Variants in SDK2 observed in about 807,000 individuals in gnomAD.
The protein encoded by SDK2 is protein sidekick-2.
SDK2 carries 105 observed loss-of-function variants against 253.9 expected under a neutral mutation model. That is an observed-to-expected ratio of 0.41 (90% CI 0.35 to 0.49). SDK2 has a LOEUF of 0.49. Among genes scored for constraint, SDK2 ranks in the 20% least tolerant of loss-of-function variants. The pLI is 0.06. For missense variants in SDK2, 2,608 were observed against 3,003.0 expected (o/e 0.87, Z 3.07); for synonymous variants, 1,249 against 1,234.9 (o/e 1.01, Z -0.24).
At chr17:73,617,326 C>T (rs28582199) in intron 1 of SDK2, among the ~76,000 whole-genome samples, 14 of 143,138 alleles carry the variant, frequency 9.8e-5, no homozygotes, top group South Asian at 4.6e-4. Flanking sequence ...AGGCCTCCTG[C>T]GGAGGGGAGG....
chr17:73,534,419 C>T lies in SDK2; in HGVS notation c.65-26822G>A, dbSNP rs952704676. Among the ~76,000 whole-genome samples the T allele has an allele frequency of 2.4e-4, 36 of 151,722 alleles. 1 individual carries two copies. Among genetic ancestry groups the T allele is most frequent in the Non-Finnish European group, 4.4e-5 (3 of 68,002 alleles). On this transcript the variant is annotated intron_variant, in intron 1 of 44. Coordinates refer to ENST00000392650, the MANE Select transcript of SDK2 (RefSeq NM_001144952.2). This position sits in a 1 kb window ranked among gnomAD's most constrained non-coding sequence, Gnocchi z 4.9. ...TGGGACAGAGGCAGTGCTAAAGAGA[C>T]GATTGCCGACAGATGCCTGACCTCT... is the stretch of plus-strand genomic sequence containing the variant.
At chr17:73,464,636 C>A (rs569654806) in intron 3 of SDK2, among the ~76,000 whole-genome samples, 25 of 152,330 alleles carry the variant, frequency 1.6e-4, no homozygotes, top group Non-Finnish European at 2.8e-4. Context: ...GCCTCAGACA[C>A]CCACATCTGC....
intron 1 of SDK2, among the ~76,000 whole-genome samples, chr17:73,588,494 A>C (rs1462204432): frequency 6.6e-6 from 1 of 151,636 alleles, no homozygotes; most frequent in African/African-American, 2.4e-5. Context: ...TTTGTGACTG[A>C]GCAAGTATCC....
At chr17:73,348,791 G>A in intron 43 of SDK2, 66 bp from the exon 44 acceptor site, 2 of 1,413,420 alleles carry the variant, frequency 1.4e-6, no homozygotes, top group Non-Finnish European at 2.0e-6. Context: ...CTGGCCTAGG[G>A]AGACCACAGT....
Position 73,398,142 on chromosome 17 carries a change from TG to T in SDK2, c.3246del (p.Ser1083ValfsTer66). On this transcript the variant is annotated frameshift_variant, in exon 24 of 45. Coordinates refer to ENST00000392650, the MANE Select transcript of SDK2 (RefSeq NM_001144952.2). LOFTEE classifies it high-confidence loss of function. ...GTCTGGATCTTTCTAGAAGGCTGAC[TG>T]GGGGGGCTGGTGCCCACGATGTTCA... ...RQVNIVGTSP[P>X]SQPSRKIQTL... 2 of 1,613,518 alleles carry T rather than the reference TG, an allele frequency of 1.2e-6. No homozygotes were observed. The highest frequency in any genetic ancestry group is 1.7e-6 in the Non-Finnish European group (2 of 1,179,754).
intron 1 of SDK2, among the ~76,000 whole-genome samples, chr17:73,580,168 A>G (rs546419811): frequency 6.6e-6 from 1 of 152,244 alleles, no homozygotes; most frequent in East Asian, 1.9e-4. Context: ...CCATCCTAGC[A>G]AATGAAAACA....
chr17:73,506,512 G>A (rs1166424102), intron 2 of SDK2, among the ~76,000 whole-genome samples: 1 of 152,202 alleles, frequency 6.6e-6, no homozygotes, highest in African/African-American at 2.4e-5. Flanking sequence ...AGGAAAGGCT[G>A]GTTCTCCAGA....
intron 44 of SDK2, 79 bp downstream of exon 44, chr17:73,348,520 G>C: frequency 6.0e-6 from 9 of 1,508,856 alleles, no homozygotes; most frequent in Non-Finnish European, 8.0e-6. Flanking sequence ...AAGGAAGAAA[G>C]CCCATCTACG....
chr17:73,585,201 G>A (rs1264469638), intron 1 of SDK2, among the ~76,000 whole-genome samples: 1 of 152,246 alleles, frequency 6.6e-6, no homozygotes, highest in Non-Finnish European at 1.5e-5. Flanking sequence ...GGGCCACACA[G>A]CTGGAGGCAG....
Position 73,445,845 on chromosome 17 carries a change from T to C in SDK2, c.613+1770A>G, listed in dbSNP as rs1029125088. ...GAATTCAGGATAAATCAGCGTGTGA[T>C]GGCAGGAGGCCAAGAGGCAGTGGGG... is the stretch of plus-strand genomic sequence containing the variant. On this transcript the variant is annotated intron_variant, in intron 5 of 44. Transcript: ENST00000392650. 3.9e-5 allele frequency among the ~76,000 whole-genome samples: 6 copies of C among 152,082 alleles called. No individual in the cohort carries two copies. The East Asian group carries it at 1.2e-3, about 29-fold the overall frequency.
intron 2 of SDK2, among the ~76,000 whole-genome samples, chr17:73,482,156 T>G (rs1033552675): frequency 6.6e-6 from 1 of 151,972 alleles, no homozygotes; most frequent in East Asian, 1.9e-4. Flanking sequence ...GTGCCTGTAA[T>G]CCTGGCTACT....
chr17:73,455,877 T>G lies in SDK2; in HGVS notation c.479+29A>C. 4.7e-6 allele frequency: 4 copies of G among 851,332 alleles called. No individual in the cohort carries two copies. Among genetic ancestry groups the G allele is most frequent in the Non-Finnish European group, 6.8e-6 (4 of 585,722 alleles). The allele number at this position is 851,332 out of a possible 1,614,324, so 52.7% of individuals were successfully genotyped here. A position where few individuals can be genotyped will look rare whatever the true frequency, so the allele number is the denominator to read the frequency against. ...CCTCCTCCCCCAGACACCCCTCCCCTCCCCGTCCCCTCAGAGCGATGCACT... is the reference window on the plus strand; with the variant it reads ...CCTCCTCCCCCAGACACCCCTCCCCGCCCCGTCCCCTCAGAGCGATGCACT... On this transcript the variant is annotated intron_variant, in intron 4 of 44. Coordinates refer to ENST00000392650, the MANE Select transcript of SDK2 (RefSeq NM_001144952.2). This position sits in a 1 kb window ranked among gnomAD's most constrained non-coding sequence, Gnocchi z 5.0.
intron 12 of SDK2, 63 bp from the exon 13 acceptor site, chr17:73,424,155 C>G: frequency 7.1e-7 from 1 of 1,404,890 alleles, no homozygotes; most frequent in Non-Finnish European, 9.7e-7. Context: ...GTGGGCCTAG[C>G]CTGAAGCTTG....
At chr17:73,414,026 T>C (rs1375298309) in intron 18 of SDK2, among the ~76,000 whole-genome samples, 2 of 152,048 alleles carry the variant, frequency 1.3e-5, no homozygotes, top group African/African-American at 4.8e-5. Flanking sequence ...CAGGTGTTTC[T>C]TTTTCTTCTT....
chr17:73,340,962 T>G (rs1328028412), intron 44 of SDK2, among the ~76,000 whole-genome samples: 2 of 151,518 alleles, frequency 1.3e-5, no homozygotes, highest in Non-Finnish European at 2.9e-5. Context: ...CAAGCTGGCC[T>G]CGAACTCCCA....
chr17:73,587,589 G>A (rs78830589), intron 1 of SDK2, among the ~76,000 whole-genome samples: 6 of 152,154 alleles, frequency 3.9e-5, no homozygotes, highest in Non-Finnish European at 8.8e-5. Context: ...TAAATGAGAC[G>A]GGACTCTGAG....
intron 20 of SDK2, 139 bp from the exon 21 acceptor site, chr17:73,401,350 G>C (rs1247485431): frequency 4.9e-6 from 4 of 822,938 alleles, no homozygotes; most frequent in Non-Finnish European, 7.6e-6. Flanking sequence ...GGTGGGAGCT[G>C]TTGGCATCAT....
chr17:73,429,859 A>G (rs1227047904), intron 12 of SDK2, among the ~76,000 whole-genome samples: 1 of 151,930 alleles, frequency 6.6e-6, no homozygotes, highest in Non-Finnish European at 1.5e-5. Context: ...CGGCTTTTAT[A>G]CCTTTCTTGG....
intron 1 of SDK2, among the ~76,000 whole-genome samples, chr17:73,641,923 C>CA (rs1381664821): frequency 9.2e-5 from 14 of 152,136 alleles, no homozygotes; most frequent in Non-Finnish European, 2.9e-5. Context: ...GGCTTGCCTC[C>CA]AGGGACACAC....
Sources: gnomAD v4.1 joint callset for allele counts (sites outside exome capture counted in the v4.1 genomes callset) on GRCh38, gnomAD v4.1.1 for gene constraint, Gnocchi (gnomAD v3.1) non-coding constraint, MANE v1.5 for transcripts, NCBI Gene and HGNC (gene_info 2026-07-23, HGNC 2026-07-21) for gene names.